Variants in CACNG4 observed in about 807,000 individuals in gnomAD.
CACNG4 encodes voltage-dependent calcium channel gamma-4 subunit.
CACNG4 carries 8 observed loss-of-function variants against 22.9 expected under a neutral mutation model. That is an observed-to-expected ratio of 0.35 (90% confidence interval 0.21 to 0.63). CACNG4 has a LOEUF of 0.63. Ranked by LOEUF, CACNG4 falls within the 30% of genes least tolerant of loss-of-function variation. The probability of loss-of-function intolerance (pLI) is 0.72; values close to 1 mark genes in which losing one functional copy is unlikely to be tolerated. For synonymous variants in CACNG4, 188 were observed against 191.9 expected, an observed-to-expected ratio of 0.98 and a Z score of 0.17; for missense variants, 357 against 455.4, an observed-to-expected ratio of 0.78 and a Z score of 1.97.
At chr17:67,029,870 T>C (rs142720315) in intron 3 of CACNG4, among the ~76,000 whole-genome samples, 47 of 152,298 alleles carry the variant, frequency 3.1e-4, no homozygotes, top group African/African-American at 1.1e-3. Flanking sequence ...GGCCCAGCAG[T>C]TTCACTGCAA....
At chr17:67,029,899 G>A (rs1025517946) in intron 3 of CACNG4, among the ~76,000 whole-genome samples, 2 of 152,210 alleles carry the variant, frequency 1.3e-5, no homozygotes, top group East Asian at 1.9e-4. Context: ...CCCCGTGGTT[G>A]TACCCATGTG....
rs2035293437 is a variant in CACNG4 at position 66,984,330 on chromosome 17, A to G, written c.220+19199A>G. Among the ~76,000 whole-genome samples the G allele has an allele frequency of 6.6e-6, 1 of 152,190 alleles. No individual in the cohort carries two copies. The highest frequency in any genetic ancestry group is 2.4e-5 in the African/African-American group (1 of 41,440). On this transcript the variant is annotated intron_variant, in intron 1 of 3. Coordinates refer to ENST00000262138, the MANE Select transcript of CACNG4 (RefSeq NM_014405.4). This position sits in a 1 kb window ranked among gnomAD's most constrained non-coding sequence, Gnocchi z 4.0. Reference sequence around the variant, plus strand: ...CTGGAGTTTGAGGCTGCAGTGAGCCACCACTGCACTCCAGCTCTGGGCAAT... The same window carrying G: ...CTGGAGTTTGAGGCTGCAGTGAGCCGCCACTGCACTCCAGCTCTGGGCAAT...
chr17:66,996,520 C>T (rs2035376404), intron 1 of CACNG4, among the ~76,000 whole-genome samples: 1 of 151,832 alleles, frequency 6.6e-6, no homozygotes, highest in Non-Finnish European at 1.5e-5. Context: ...GCTGGAACTA[C>T]AGGGGCACGC....
intron 1 of CACNG4, among the ~76,000 whole-genome samples, chr17:66,979,084 C>T (rs1051234885): frequency 2.6e-5 from 4 of 152,200 alleles, no homozygotes; most frequent in Admixed American, 2.0e-4. Flanking sequence ...CTTTGTGCTG[C>T]TGCCATTCGC....
chr17:66,990,681 T>TTTTATTTTATTTTA (rs1555577356), intron 1 of CACNG4, among the ~76,000 whole-genome samples: 16 of 135,864 alleles, frequency 1.2e-4, no homozygotes, highest in Non-Finnish European at 2.4e-4. Context: ...TTTTATTTTA[T>TTTTATTTTATTTTA]TTTATTTATT....
chr17:66,969,439 A>C (rs1267906277), intron 1 of CACNG4, among the ~76,000 whole-genome samples: 3 of 152,128 alleles, frequency 2.0e-5, no homozygotes, highest in African/African-American at 7.2e-5. Context: ...TGGCCCCCGC[A>C]CCTGTTTTGT....
chr17:66,964,873 G>T lies in CACNG4; in HGVS notation c.-39G>T, dbSNP rs1223934716. 4.0e-6 allele frequency: 5 copies of T among 1,235,022 alleles called. No homozygotes were observed. In the East Asian group the frequency reaches 1.8e-4, roughly 45 times the overall value. The allele number at this position is 1,235,022 out of a possible 1,614,324, so 76.5% of individuals were successfully genotyped here. On this transcript the variant is annotated 5_prime_UTR_variant, in exon 1 of 4. Coordinates refer to ENST00000262138, the MANE Select transcript of CACNG4 (RefSeq NM_014405.4). ...AGGGAGGAGGGCGGGCGGGCGCGGCGGGCCGGGCCGGCGGGCGGCGGACTA... is the reference window on the plus strand; with the variant it reads ...AGGGAGGAGGGCGGGCGGGCGCGGCTGGCCGGGCCGGCGGGCGGCGGACTA...
intron 1 of CACNG4, among the ~76,000 whole-genome samples, chr17:67,002,103 A>G (rs572000736): frequency 6.6e-6 from 1 of 152,344 alleles, no homozygotes; most frequent in African/African-American, 2.4e-5. Flanking sequence ...GGCAATGTAT[A>G]GAGAAAAAGA....
intron 1 of CACNG4, among the ~76,000 whole-genome samples, chr17:67,001,800 A>G (rs2035409524): frequency 6.6e-6 from 1 of 152,256 alleles, no homozygotes; most frequent in Non-Finnish European, 1.5e-5. Context: ...TGGAAGGTAC[A>G]TGGTCCCAAC....
intron 1 of CACNG4, among the ~76,000 whole-genome samples, chr17:66,992,465 CA>C (rs996587341): frequency 9.8e-5 from 15 of 152,326 alleles, no homozygotes; most frequent in African/African-American, 3.1e-4. Flanking sequence ...AAAGGCCTCC[CA>C]GCAGCACAAA....
rs557203398 is a variant in CACNG4, at chr17:67,012,575, G to A, written c.221-5614G>A. On this transcript the variant is annotated intron_variant, in intron 1 of 3. Coordinates refer to ENST00000262138, the MANE Select transcript of CACNG4 (RefSeq NM_014405.4). ...TCAGAACTGCCCACCAAGGGACAGC[G>A]TTTGGGGACCTTTATCCACCAGCTC... Among the ~76,000 whole-genome samples the A allele has an allele frequency of 1.4e-4, 21 of 152,298 alleles. No homozygotes were observed. The South Asian group carries it at 2.7e-3, about 20-fold the overall frequency.
intron 2 of CACNG4, among the ~76,000 whole-genome samples, chr17:67,019,668 C>T (rs921709546): frequency 1.8e-4 from 28 of 152,320 alleles, no homozygotes; most frequent in African/African-American, 6.7e-4. Context: ...GCTCTGGGGG[C>T]AGATGTGCCC....
Position 67,030,956 on chromosome 17 carries a change from G to A in CACNG4, c.936G>A (p.Lys312=), listed in dbSNP as rs1306287217. ...ATGACTTTTTCCAGCAGGACCTGAAGGAAGGTTTCCACGTCAGCATGCTGA... is the reference window on the plus strand; with the variant it reads ...ATGACTTTTTCCAGCAGGACCTGAAAGAAGGTTTCCACGTCAGCATGCTGA... The part of the protein sequence containing the change: ...QVHDFFQQDL[K]EGFHVSMLNR... The change falls in exon 4 of 4, where the codon AAG becomes AAA. Residue 312 remains lysine (K), a synonymous_variant. Coordinates refer to ENST00000262138, the MANE Select transcript of CACNG4 (RefSeq NM_014405.4). The surrounding 1 kb of genome is among the most constrained non-coding windows in gnomAD (Gnocchi z 6.4). The A allele has an allele frequency of 6.2e-7, 1 of 1,613,758 alleles. No individual in the cohort carries two copies. The highest frequency in any genetic ancestry group is 8.5e-7 in the Non-Finnish European group (1 of 1,180,006).
intron 1 of CACNG4, among the ~76,000 whole-genome samples, chr17:67,003,101 G>T (rs2035418121): frequency 6.6e-6 from 1 of 152,046 alleles, no homozygotes; most frequent in South Asian, 2.1e-4. Context: ...CTGACTCTTT[G>T]TTATTAGAAC....
intron 1 of CACNG4, among the ~76,000 whole-genome samples, chr17:67,004,692 C>T (rs997806427): frequency 6.6e-6 from 1 of 152,154 alleles, no homozygotes; most frequent in Non-Finnish European, 1.5e-5. Flanking sequence ...GTTGCAAGCA[C>T]ATAAACCAAC....
In CACNG4 at chr17:67,031,393, G is replaced by C; in HGVS notation, c.*389G>C. The C allele has an allele frequency of 2.1e-6, 1 of 467,146 alleles. No homozygotes were observed. The highest frequency in any genetic ancestry group is 6.7e-5 in the East Asian group (1 of 14,854). The allele number at this position is 467,146 out of a possible 1,614,324, so 28.9% of individuals were successfully genotyped here. A position where few individuals can be genotyped will look rare whatever the true frequency, so the allele number is the denominator to read the frequency against. On this transcript the variant is annotated 3_prime_UTR_variant, in exon 4 of 4. Coordinates refer to ENST00000262138, the MANE Select transcript of CACNG4 (RefSeq NM_014405.4). This position sits in a 1 kb window ranked among gnomAD's most constrained non-coding sequence, Gnocchi z 4.0. ...CGGGATTTCAGGGCCTTCCCTCCCT[G>C]CCTGGGTGTCGGGCCACCAGAAGGC...
intron 2 of CACNG4, among the ~76,000 whole-genome samples, chr17:67,019,558 C>A (rs530436499): frequency 6.6e-6 from 1 of 152,334 alleles, no homozygotes; most frequent in African/African-American, 2.4e-5. Flanking sequence ...CACAGAGGCC[C>A]TTGGTGCTCA....
intron 1 of CACNG4, among the ~76,000 whole-genome samples, chr17:67,011,624 G>GGAATGAATGAATGAATGAAT (rs67913831): frequency 6.8e-6 from 1 of 147,202 alleles, no homozygotes; most frequent in Non-Finnish European, 1.5e-5. Flanking sequence ...ATGCTCTTGA[G>GGAATGAATGAATGAATGAAT]GAATGAATGA....
intron 1 of CACNG4, among the ~76,000 whole-genome samples, chr17:66,997,807 G>C (rs117403973): frequency 6.6e-6 from 1 of 151,834 alleles, no homozygotes; most frequent in African/African-American, 2.4e-5. Flanking sequence ...ATGGGAGTGA[G>C]ACCCTGTCAA....
Sources: gnomAD v4.1 joint callset for allele counts (sites outside exome capture counted in the v4.1 genomes callset) on GRCh38, gnomAD v4.1.1 for gene constraint, Gnocchi (gnomAD v3.1) non-coding constraint, MANE v1.5 for transcripts, NCBI Gene and HGNC (gene_info 2026-07-23, HGNC 2026-07-21) for gene names.